The following PDSS2 variants were observed in gnomAD, a reference collection of about 807,000 sequenced individuals.
PDSS2 encodes the protein all trans-polyprenyl-diphosphate synthase PDSS2.
In PDSS2, 31 loss-of-function variants were observed where a neutral mutation model predicts 44.5. That is an observed-to-expected ratio of 0.70 (90% CI 0.52 to 0.94). The LOEUF (loss-of-function observed/expected upper bound fraction) is 0.94. Ranked by LOEUF, PDSS2 falls within the 40% of genes least tolerant of loss-of-function variation. The pLI is 0.00. For synonymous variants in PDSS2, 157 were observed against 180.3 expected, an observed-to-expected ratio of 0.87 and a Z score of 1.03; for missense variants, 452 against 482.2, an observed-to-expected ratio of 0.94 and a Z score of 0.59.
At chr6:107,171,807 T>C (rs1771587927) in intron 7 of PDSS2, among the ~76,000 whole-genome samples, 1 of 152,150 alleles carries the variant, frequency 6.6e-6, no homozygotes, top group Non-Finnish European at 1.5e-5. Context: ...ATTACAGGCG[T>C]GAGGCACTGC....
chr6:107,402,593 A>T (rs1780180953), intron 1 of PDSS2, among the ~76,000 whole-genome samples: 1 of 145,998 alleles, frequency 6.8e-6, no homozygotes, highest in African/African-American at 2.5e-5. Context: ...GGTTTAATGG[A>T]TTCACAGTTC....
intron 1 of PDSS2, among the ~76,000 whole-genome samples, chr6:107,401,655 A>T (rs1337903380): frequency 6.6e-6 from 1 of 152,216 alleles, no homozygotes; most frequent in African/African-American, 2.4e-5. Flanking sequence ...GAAATCTGAA[A>T]ACCAATACAA....
intron 1 of PDSS2, among the ~76,000 whole-genome samples, chr6:107,398,482 A>G (rs1780013454): frequency 6.6e-6 from 1 of 152,238 alleles, no homozygotes; most frequent in Admixed American, 6.5e-5. Flanking sequence ...ATATCAACAG[A>G]TATAAGCCAC....
chr6:107,292,196 A>T (rs1206663867), intron 2 of PDSS2, among the ~76,000 whole-genome samples: 1 of 151,708 alleles, frequency 6.6e-6, no homozygotes, highest in Non-Finnish European at 1.5e-5. Context: ...AAATATAAAG[A>T]CAAAAATCTT....
chr6:107,363,413 T>C (rs1054024451), intron 1 of PDSS2, among the ~76,000 whole-genome samples: 3 of 152,138 alleles, frequency 2.0e-5, no homozygotes, highest in African/African-American at 7.2e-5. Context: ...GGTGGGTTCG[T>C]GGTCTCACTG....
rs544312897 is a variant in PDSS2 at position 107,377,224 on chromosome 6, C to T, written c.297-42892G>A. ...ACAAACAACCCCATCAAAAAGTGGG[C>T]GAAGGAGATGAACAGACACTTCTCA... is the stretch of plus-strand genomic sequence containing the variant. On this transcript the variant is annotated intron_variant, in intron 1 of 7. Coordinates refer to ENST00000369037, the MANE Select transcript of PDSS2 (RefSeq NM_020381.4). 1.8e-3 allele frequency among the ~76,000 whole-genome samples: 275 copies of T among 151,640 alleles called. 1 individual carries two copies. The highest frequency in any genetic ancestry group is 6.0e-3 in the African/African-American group (246 of 41,342).
intron 4 of PDSS2, among the ~76,000 whole-genome samples, chr6:107,222,840 T>TA (rs1773656604): frequency 6.6e-6 from 1 of 151,912 alleles, no homozygotes; most frequent in South Asian, 2.1e-4. Context: ...GTGTGGTGGC[T>TA]CATACCTGTA....
At chr6:107,435,013 A>C (rs867146174) in intron 1 of PDSS2, among the ~76,000 whole-genome samples, 2 of 152,066 alleles carry the variant, frequency 1.3e-5, no homozygotes, top group African/African-American at 4.8e-5. Context: ...ACAGTGAGTC[A>C]TGTCTGTAAT....
intron 3 of PDSS2, among the ~76,000 whole-genome samples, chr6:107,262,418 AC>A (rs1775270877): frequency 6.6e-6 from 1 of 152,060 alleles, no homozygotes; most frequent in South Asian, 2.1e-4. Context: ...GAAGACATAA[AC>A]CAAGGATCTT....
rs542913638 is a variant in PDSS2, at chr6:107,447,963, G to A, written c.296+11027C>T. On this transcript the variant is annotated intron_variant, in intron 1 of 7. Coordinates refer to ENST00000369037, the MANE Select transcript of PDSS2 (RefSeq NM_020381.4). Reference sequence around the variant, plus strand: ...ACACATCTCAAGCTCAATACCACATGGAAGCTGCCAAGGCTTGGGGCTTGC... The same window carrying A: ...ACACATCTCAAGCTCAATACCACATAGAAGCTGCCAAGGCTTGGGGCTTGC... Among the ~76,000 whole-genome samples, 12 of 152,334 alleles carry A rather than the reference G, an allele frequency of 7.9e-5. No homozygotes were observed. The South Asian group carries it at 1.9e-3, about 24-fold the overall frequency.
intron 4 of PDSS2, among the ~76,000 whole-genome samples, chr6:107,231,823 G>A (rs1774058933): frequency 6.6e-6 from 1 of 152,128 alleles, no homozygotes; most frequent in South Asian, 2.1e-4. Context: ...TTAGCTGGGT[G>A]TGGTGGTGCG....
chr6:107,243,950 G>A (rs1774524168), intron 4 of PDSS2, among the ~76,000 whole-genome samples: 1 of 152,174 alleles, frequency 6.6e-6, no homozygotes, highest in African/African-American at 2.4e-5. Flanking sequence ...CCAACATGGA[G>A]AAACCCTGTC....
intron 2 of PDSS2, among the ~76,000 whole-genome samples, chr6:107,292,268 G>C (rs904653152): frequency 6.7e-6 from 1 of 149,854 alleles, no homozygotes; most frequent in African/African-American, 2.5e-5. Context: ...CCCATATTCA[G>C]TGCTGTAATT....
intron 1 of PDSS2, among the ~76,000 whole-genome samples, chr6:107,428,871 T>C (rs1254003434): frequency 6.6e-6 from 1 of 152,088 alleles, no homozygotes; most frequent in African/African-American, 2.4e-5. Flanking sequence ...TAGAAAATCA[T>C]CTCTTTCAAA....
chr6:107,392,284 T>C (rs560815536), intron 1 of PDSS2, among the ~76,000 whole-genome samples: 2 of 152,342 alleles, frequency 1.3e-5, no homozygotes, highest in African/African-American at 2.4e-5. Context: ...GCTCTGTCAG[T>C]ATACTGAAGT....
rs147886385 is a variant in PDSS2, at chr6:107,263,236, T to C, written c.630+10793A>G. On this transcript the variant is annotated intron_variant, in intron 3 of 7. Coordinates refer to ENST00000369037, the MANE Select transcript of PDSS2 (RefSeq NM_020381.4). ...GGGAGGCCGAGGTGGGTAAATCACCTGAGGTCTGGAGTTCAAGACCAGTCT... is the reference window on the plus strand; with the variant it reads ...GGGAGGCCGAGGTGGGTAAATCACCCGAGGTCTGGAGTTCAAGACCAGTCT... 7.9e-3 allele frequency among the ~76,000 whole-genome samples: 1,203 copies of C among 152,272 alleles called. 12 individuals are homozygous for C. The highest frequency in any genetic ancestry group is 0.027 in the African/African-American group (1,133 of 41,552).
intron 6 of PDSS2, among the ~76,000 whole-genome samples, chr6:107,206,688 G>GT (rs1407079144): frequency 6.6e-6 from 1 of 151,762 alleles, no homozygotes; most frequent in East Asian, 1.9e-4. Context: ...AAAAAAAATT[G>GT]CAAAAAAACC....
intron 4 of PDSS2, among the ~76,000 whole-genome samples, chr6:107,242,563 G>A (rs1774477121): frequency 6.6e-6 from 1 of 152,070 alleles, no homozygotes; most frequent in Non-Finnish European, 1.5e-5. Context: ...TATTTTTTAA[G>A]AGACAAGGTC....
chr6:107,192,375 C>A, intron 7 of PDSS2: 1 of 510,940 alleles, frequency 2.0e-6, no homozygotes. Flanking sequence ...GTCTGAGACC[C>A]CAGGGAAAGG....
Sources: allele counts gnomAD v4.1 joint callset (sites outside exome capture counted in the v4.1 genomes callset), GRCh38; gene constraint gnomAD v4.1.1; transcripts MANE v1.5; gene names NCBI Gene and HGNC (gene_info 2026-07-23, HGNC 2026-07-21).